PRKCG: variants seen among roughly 807,000 people sequenced by gnomAD.
PRKCG encodes the protein protein kinase C gamma.
PRKCG carries 28 observed loss-of-function variants against 82.0 expected under a neutral mutation model. That is an observed-to-expected ratio of 0.34 (90% CI 0.25 to 0.47). The LOEUF (loss-of-function observed/expected upper bound fraction) is 0.47, where lower values mean the gene tolerates loss of function less well. Ranked by LOEUF, PRKCG falls within the 20% of genes least tolerant of loss-of-function variation. PRKCG has a pLI of 1.00. For synonymous variants in PRKCG, 383 were observed against 376.6 expected (o/e 1.02, Z -0.20); for missense variants, 640 against 952.7 (o/e 0.67, Z 4.32).
chr19:53,898,787 G>GA (rs1199381766), intron 11 of PRKCG, among the ~76,000 whole-genome samples, 159 bp downstream of exon 11: 2 of 134,648 alleles, frequency 1.5e-5, no homozygotes, highest in African/African-American at 5.6e-5. Context: ...GTGGCCGGGG[G>GA]GGGGTCCTTG....
chr19:53,887,268 C>T (rs2068637766), intron 3 of PRKCG, among the ~76,000 whole-genome samples: 2 of 151,808 alleles, frequency 1.3e-5, no homozygotes, highest in African/African-American at 2.4e-5. Flanking sequence ...GAGACCGAGG[C>T]GGGTGGATCA....
rs766184740 is a variant in PRKCG at position 53,882,605 on chromosome 19, G to A, written c.111G>A (p.Lys37=). The A allele has an allele frequency of 8.1e-6, 13 of 1,613,838 alleles. No individual in the cohort carries two copies. The highest frequency in any genetic ancestry group is 1.1e-5 in the Non-Finnish European group (13 of 1,180,002). The change falls in exon 1 of 18, where the codon AAG becomes AAA. Residue 37 remains lysine (K), a synonymous_variant. Coordinates refer to ENST00000263431, the MANE Select transcript of PRKCG (RefSeq NM_002739.5). This position sits in a 1 kb window ranked among gnomAD's most constrained non-coding sequence, Gnocchi z 6.1. Reference sequence around the variant, plus strand: ...TGGTCCACGAAGTCAAGAGCCACAAGTTCACCGCTCGCTTCTTCAAGCAGC... The same window carrying A: ...TGGTCCACGAAGTCAAGAGCCACAAATTCACCGCTCGCTTCTTCAAGCAGC... ...QKVVHEVKSH[K]FTARFFKQPT... is the part of the protein sequence containing the mutation.
At chr19:53,881,190 A>G, upstream of PRKCG, among the ~76,000 whole-genome samples, 1 of 152,154 alleles carries the variant, frequency 6.6e-6, no homozygotes, top group African/African-American at 2.4e-5. Flanking sequence ...AAACAGATGG[A>G]ACCAGAGAGA....
At chr19:53,902,311 G>A (rs997250689) in intron 14 of PRKCG, among the ~76,000 whole-genome samples, 1 of 152,120 alleles carries the variant, frequency 6.6e-6, no homozygotes, top group Non-Finnish European at 1.5e-5. Flanking sequence ...CTACTCAGGA[G>A]GCTGAGGCAG....
chr19:53,904,597 G>A lies in PRKCG; in HGVS notation c.1657-38G>A, dbSNP rs1040507314. On this transcript the variant is annotated intron_variant, in intron 15 of 17. Transcript: ENST00000263431. ...TGGAAGGTTTGGGGAAAGGCAGTTG[G>A]GCATGTCCCTGACTCTCTATCCCCT... 5 of 1,577,958 alleles carry A rather than the reference G, an allele frequency of 3.2e-6. No homozygotes were observed. In the Admixed American group the frequency reaches 5.2e-5, roughly 17 times the overall value.
intron 5 of PRKCG, 50 bp downstream of exon 5, chr19:53,890,067 C>T (rs1319898483): frequency 6.5e-6 from 10 of 1,530,986 alleles, no homozygotes; most frequent in Non-Finnish European, 8.8e-6. Flanking sequence ...AAGTGTGAGG[C>T]GGGGCTGACC....
intron 9 of PRKCG, among the ~76,000 whole-genome samples, chr19:53,896,666 C>G (rs2068720556): frequency 6.6e-6 from 1 of 152,048 alleles, no homozygotes; most frequent in Non-Finnish European, 1.5e-5. Context: ...GTGATCTGCC[C>G]ACCTCGGCCT....
At chr19:53,899,123 GGGC>G (rs1231767383) in intron 11 of PRKCG, among the ~76,000 whole-genome samples, 5 of 150,508 alleles carry the variant, frequency 3.3e-5, no homozygotes, top group African/African-American at 1.2e-4. Flanking sequence ...GGGCGTGGTC[GGGC>G]GGATGAGCTC....
chr19:53,906,644 A>G, intron 17 of PRKCG, 63 bp from the exon 18 acceptor site: 3 of 1,581,670 alleles, frequency 1.9e-6, no homozygotes, highest in Middle Eastern at 2.2e-4. Flanking sequence ...ACTGGGGTAC[A>G]CAGAGGGACA....
In PRKCG at chr19:53,907,051, C is replaced by T. The variant is rs756725786; in HGVS notation, c.*156C>T. On this transcript the variant is annotated 3_prime_UTR_variant, in exon 18 of 18. Coordinates refer to ENST00000263431, the MANE Select transcript of PRKCG (RefSeq NM_002739.5). The stretch of plus-strand genomic sequence containing the variant: ...GCGGGTTCTAGACGCCCCTCCCAAG[C>T]GTTCCTGGCCTTCTGAACTCCATAC... 3.8e-5 allele frequency: 57 copies of T among 1,501,472 alleles called. No homozygotes were observed. Among genetic ancestry groups the T allele is most frequent in the Admixed American group, 8.1e-5 (4 of 49,390 alleles). 93.0% of individuals were successfully genotyped at this position (1,501,472 alleles called of 1,614,324 possible). A position where few individuals can be genotyped will look rare whatever the true frequency, so the allele number is the denominator to read the frequency against.
At position 53,883,045 on chromosome 19, in the gene PRKCG, C is replaced by T; in HGVS notation, c.171-118C>T. The T allele has an allele frequency of 3.0e-6, 4 of 1,347,082 alleles. No individual in the cohort carries two copies. Among genetic ancestry groups the T allele is most frequent in the Non-Finnish European group, 4.3e-6 (4 of 940,882 alleles). The allele number at this position is 1,347,082 out of a possible 1,614,324, so 83.4% of individuals were successfully genotyped here. A position where few individuals can be genotyped will look rare whatever the true frequency, so the allele number is the denominator to read the frequency against. On this transcript the variant is annotated intron_variant, in intron 1 of 17. Coordinates refer to ENST00000263431, the MANE Select transcript of PRKCG (RefSeq NM_002739.5). The surrounding 1 kb of genome is among the most constrained non-coding windows in gnomAD (Gnocchi z 5.4). ...TTCTAGAAAGAGGAGGTGGCCGGGG[C>T]TTGGACACCTGGGCCCTGCGGGAGG...
rs373576217 is a variant in PRKCG at position 53,900,428 on chromosome 19, G to C, written c.1383G>C (p.Ala461=). Residue 461 remains alanine, a synonymous_variant, in exon 13 of 18, where the codon GCG becomes GCC. Transcript: ENST00000263431. This position sits in a 1 kb window ranked among gnomAD's most constrained non-coding sequence, Gnocchi z 4.2. ...KFKEPHAAFY[A]AEIAIGLFFL... The stretch of plus-strand genomic sequence containing the variant: ...CCACCCCGTCCTCCAGGTTCTACGC[G>C]GCAGAAATCGCTATCGGCCTCTTCT... 6.2e-7 allele frequency: 1 copy of C among 1,613,976 alleles called. No homozygotes were observed.
intron 8 of PRKCG, 83 bp from the exon 9 acceptor site, chr19:53,893,279 G>C (rs2068693551): frequency 6.8e-7 from 1 of 1,468,618 alleles, no homozygotes; most frequent in African/African-American, 1.4e-5. Flanking sequence ...CATGGCTTGA[G>C]GGTACTAGGG....
Position 53,890,008 on chromosome 19 carries a change from C to G in PRKCG, c.520C>G (p.His174Asp), listed in dbSNP as rs777612378. 12 of 1,564,014 alleles carry G rather than the reference C, an allele frequency of 7.7e-6. No individual in the cohort carries two copies. In the East Asian group the frequency reaches 2.9e-4, roughly 37 times the overall value. Residue 174 changes from histidine to aspartate, a missense_variant, in exon 5 of 18, where the codon CAC becomes GAC. Coordinates refer to ENST00000263431, the MANE Select transcript of PRKCG (RefSeq NM_002739.5). ...EIRAPTADEI[H>D]VTVGEARNLI... ...CCGGGCTCCCACAGCAGATGAGATC[C>G]ACGTAACTGGTGAGGCCCCGCCCCC...
In PRKCG at chr19:53,884,301, C is replaced by T; in HGVS notation, c.285+58C>T. ...GGCCGTGCCCCCGCCCTCACCCCCT[C>T]GGCGTCCGTCCCAATTTCTCCTGCT... is the stretch of plus-strand genomic sequence containing the variant. On this transcript the variant is annotated intron_variant, in intron 3 of 17. Coordinates refer to ENST00000263431, the MANE Select transcript of PRKCG (RefSeq NM_002739.5). The surrounding 1 kb of genome is among the most constrained non-coding windows in gnomAD (Gnocchi z 4.6). 1.3e-6 allele frequency: 2 copies of T among 1,488,918 alleles called. No homozygotes were observed. Among genetic ancestry groups the T allele is most frequent in the Middle Eastern group, 2.2e-4 (1 of 4,610 alleles). 92.2% of individuals were successfully genotyped at this position (1,488,918 alleles called of 1,614,324 possible).
intron 3 of PRKCG, among the ~76,000 whole-genome samples, chr19:53,887,966 C>T (rs1024351274): frequency 6.6e-6 from 1 of 152,100 alleles, no homozygotes; most frequent in Non-Finnish European, 1.5e-5. Context: ...CGTGGTGAGG[C>T]CACCTAGCTG....
intron 8 of PRKCG, 76 bp downstream of exon 8, chr19:53,893,151 CT>C: frequency 7.2e-7 from 1 of 1,383,068 alleles, no homozygotes; most frequent in East Asian, 2.4e-5. Context: ...CCTTCCACCC[CT>C]GAGTGCCCGC....
At chr19:53,898,790 G>GGGT (rs1555807844) in intron 11 of PRKCG, among the ~76,000 whole-genome samples, 162 bp downstream of exon 11, 2 of 116,716 alleles carry the variant, frequency 1.7e-5, no homozygotes, top group Non-Finnish European at 3.4e-5. Context: ...GCCGGGGGGG[G>GGGT]GTCCTTGGGG....
intron 3 of PRKCG, among the ~76,000 whole-genome samples, chr19:53,887,299 AC>A (rs2068638101): frequency 6.6e-6 from 1 of 151,812 alleles, no homozygotes; most frequent in East Asian, 1.9e-4. Flanking sequence ...GGAGTTCGAG[AC>A]CAGCCTGACC....
Sources: allele counts gnomAD v4.1 joint callset (sites outside exome capture counted in the v4.1 genomes callset), GRCh38; gene constraint gnomAD v4.1.1; non-coding constraint Gnocchi (gnomAD v3.1); transcripts MANE v1.5; gene names NCBI Gene and HGNC (gene_info 2026-07-23, HGNC 2026-07-21).